The following ODAD3 variants were observed in gnomAD, a reference collection of about 807,000 sequenced individuals.
The protein encoded by ODAD3 is outer dynein arm docking complex subunit 3.
Under a neutral mutation model 70.9 loss-of-function variants are expected in ODAD3, and 57 were observed. The ratio of observed to expected loss-of-function variants is 0.80; its 90% CI spans 0.65 to 1.00. The LOEUF is 1.00. Ranked by LOEUF, ODAD3 falls within the 50% of genes least tolerant of loss-of-function variation. The pLI is 0.00. For synonymous variants in ODAD3, 327 were observed against 315.9 expected (o/e 1.04, Z -0.37); for missense variants, 797 against 763.9 (o/e 1.04, Z -0.51).
chr19:11,427,972 C>A (rs1427801840), intron 3 of ODAD3, among the ~76,000 whole-genome samples: 1 of 151,660 alleles, frequency 6.6e-6, no homozygotes, highest in Non-Finnish European at 1.5e-5. Flanking sequence ...TGGTGGCAGG[C>A]GCCTGTAGTC....
rs899464294 is a variant in ODAD3, at chr19:11,426,226, C to T, written c.881G>A (p.Arg294His). The change falls in exon 7 of 13, where the codon CGC becomes CAC. Residue 294 changes from arginine (R) to histidine (H), a missense_variant. Arg to His is a conservative substitution (Grantham distance 29). Coordinates refer to ENST00000356392, the MANE Select transcript of ODAD3 (RefSeq NM_145045.5). Reference sequence around the variant, plus strand: ...ACTTATGTAGCGTTCCCGCTTCTTGCGCTCTCGAACCAAGGTCTCCTCTAG... The same window carrying T: ...ACTTATGTAGCGTTCCCGCTTCTTGTGCTCTCGAACCAAGGTCTCCTCTAG... ...QYLEETLVRE[R>H]KKRERYISEC... The T allele has an allele frequency of 1.5e-5, 24 of 1,613,738 alleles. No individual in the cohort carries two copies. Among genetic ancestry groups the T allele is most frequent in the South Asian group, 3.3e-5 (3 of 91,086 alleles).
chr19:11,431,475 C>G (rs1323169863), intron 1 of ODAD3, among the ~76,000 whole-genome samples: 1 of 151,742 alleles, frequency 6.6e-6, no homozygotes, highest in Non-Finnish European at 1.5e-5. Flanking sequence ...AAAACCGCAT[C>G]TCTACTAAAA....
chr19:11,432,206 C>G (rs1969518307), intron 1 of ODAD3, among the ~76,000 whole-genome samples: 1 of 152,194 alleles, frequency 6.6e-6, no homozygotes, highest in South Asian at 2.1e-4. Flanking sequence ...AAACAGTTGT[C>G]CCTCTGTATA....
chr19:11,435,020 G>T lies in ODAD3; in HGVS notation c.-4C>A, dbSNP rs1380336885. 6.2e-7 allele frequency: 1 copy of T among 1,608,898 alleles called. No homozygotes were observed. ...CCCTGCACAGAGGAGATGTCATGAT[G>T]GGGTTGGGGCTGAAGGCCCCTAGGG... On this transcript the variant is annotated 5_prime_UTR_variant, in exon 1 of 13. Coordinates refer to ENST00000356392, the MANE Select transcript of ODAD3 (RefSeq NM_145045.5).
Position 11,427,000 on chromosome 19 carries a change from T to C in ODAD3, c.485A>G (p.Lys162Arg), listed in dbSNP as rs1482316736. Residue 162 changes from lysine (K) to arginine (R), a missense_variant, in exon 4 of 13, where the codon AAG (lysine) becomes AGG (arginine). Physicochemically the swap from Lys to Arg is conservative, Grantham distance 26. Transcript: ENST00000356392. Reference protein sequence around the residue: ...HLDHRLREKVKQQNALRHQVV... With the variant: ...HLDHRLREKVRQQNALRHQVV... ...CTGGTGCCGCAGGGCGTTCTGCTGC[T>C]TCACCTTCTCCCTCAGCCGGTGGTC... The C allele has an allele frequency of 6.2e-7, 1 of 1,603,382 alleles. No individual in the cohort carries two copies. The highest frequency in any genetic ancestry group is 8.5e-7 in the Non-Finnish European group (1 of 1,178,978).
intron 1 of ODAD3, among the ~76,000 whole-genome samples, chr19:11,433,079 C>T (rs1020748991): frequency 7.9e-5 from 12 of 152,070 alleles, no homozygotes; most frequent in Non-Finnish European, 2.9e-5. Context: ...CAGGTGTGAG[C>T]CACCTCGCCC....
chr19:11,435,551 C>A, upstream of ODAD3: 1 of 619,482 alleles, frequency 1.6e-6, no homozygotes. Flanking sequence ...CCACTCCTGC[C>A]TCTCCCAACA....
At chr19:11,431,058 G>A (rs750070939) in intron 1 of ODAD3, 38 bp from the exon 2 acceptor site, 3 of 1,613,498 alleles carry the variant, frequency 1.9e-6, no homozygotes, top group African/African-American at 2.7e-5. Flanking sequence ...CACAGTTACT[G>A]GGTGGGTGCA....
In ODAD3 at chr19:11,434,587, G is replaced by T. The variant is rs147620862; in HGVS notation, c.244+186C>A. ...AAATTACAAGAAAGTATGAAGTACA[G>T]TTCAGTCGGTTCTGAACCCATGAGA... On this transcript the variant is annotated intron_variant, in intron 1 of 12. Transcript: ENST00000356392. 1.1e-3 allele frequency: 685 copies of T among 612,764 alleles called. 6 individuals carry two copies. In the East Asian group the frequency reaches 0.018, roughly 16 times the overall value. The allele number at this position is 612,764 out of a possible 1,614,324, so 38.0% of individuals were successfully genotyped here.
Position 11,434,899 on chromosome 19 carries a change from G to C in ODAD3, c.118C>G (p.Arg40Gly). ...CACGCCTGGGCTGTGCCCTTGCCTC[G>C]GAGGTGGCTGGGTTTGCCCGAAGCC... is the stretch of plus-strand genomic sequence containing the variant. ...REASGKPSHLRGKGTAQAWTP... is the reference protein window; with the variant it reads ...REASGKPSHLGGKGTAQAWTP... The change falls in exon 1 of 13, where the codon CGA (arginine) becomes GGA (glycine). Residue 40 changes from arginine (R) to glycine (G), a missense_variant. By Grantham distance (125) the Arg-to-Gly change is moderately radical. Transcript: ENST00000356392. 1 of 1,614,132 alleles carries C rather than the reference G, an allele frequency of 6.2e-7. No individual in the cohort carries two copies. Among genetic ancestry groups the C allele is most frequent in the Non-Finnish European group, 8.5e-7 (1 of 1,180,032 alleles).
At chr19:11,420,985 GAT>G (rs781440444) in intron 12 of ODAD3, 38 bp from the exon 13 acceptor site, 1 of 1,599,246 alleles carries the variant, frequency 6.3e-7, no homozygotes, top group Admixed American at 1.7e-5. Context: ...AGCGATGTGG[GAT>G]CCAGGTCCCC....
Position 11,420,692 on chromosome 19 carries a change from T to C in ODAD3, c.*143A>G, listed in dbSNP as rs1969109000. On this transcript the variant is annotated 3_prime_UTR_variant, in exon 13 of 13. Coordinates refer to ENST00000356392, the MANE Select transcript of ODAD3 (RefSeq NM_145045.5). The stretch of plus-strand genomic sequence containing the variant: ...CTGTGGGAACGTCTGGCCCGGCCCC[T>C]TCCTCCCCTCCGGGCGCCGCTGGCC... 3.0e-6 allele frequency: 2 copies of C among 658,594 alleles called. No individual in the cohort carries two copies. Among genetic ancestry groups the C allele is most frequent in the East Asian group, 5.4e-5 (2 of 37,274 alleles). 40.8% of individuals were successfully genotyped at this position (658,594 alleles called of 1,614,324 possible).
At chr19:11,435,500 C>T, upstream of ODAD3, 1 of 409,644 alleles carries the variant, frequency 2.4e-6, no homozygotes, top group Non-Finnish European at 4.6e-6. Context: ...TAAGGTTTCA[C>T]AGTCCTGCCC....
chr19:11,434,420 CCCA>C, intron 1 of ODAD3: 1 of 167,988 alleles, frequency 6.0e-6, no homozygotes, highest in Non-Finnish European at 1.3e-5. Flanking sequence ...TGCCTGTAGT[CCCA>C]GCTACTCAAG....
At chr19:11,425,066 T>C (rs1036648958) in intron 7 of ODAD3, among the ~76,000 whole-genome samples, 4 of 125,156 alleles carry the variant, frequency 3.2e-5, no homozygotes, top group Non-Finnish European at 6.1e-5. Context: ...TATATGTGTA[T>C]ATATGTATAT....
chr19:11,430,761 C>T lies in ODAD3; in HGVS notation c.382G>A (p.Val128Ile), dbSNP rs746887558. Residue 128 changes from valine (V) to isoleucine (I), a missense_variant, in exon 3 of 13, where the codon GTC becomes ATC. Coordinates refer to ENST00000356392, the MANE Select transcript of ODAD3 (RefSeq NM_145045.5). ...TTCCATTCGCGAATCACTGCCTGGA[C>T]CACTTTCTCATCTCCCTGCAAGGAG... ...LDLLKGDEKV[V>I]QAVIREWKWE... is the part of the protein sequence containing the mutation. 2 of 1,614,076 alleles carry T rather than the reference C, an allele frequency of 1.2e-6. No individual in the cohort carries two copies. Among genetic ancestry groups the T allele is most frequent in the Non-Finnish European group, 1.7e-6 (2 of 1,180,014 alleles).
At position 11,426,878 on chromosome 19, in the gene ODAD3, C is replaced by T; in HGVS notation, c.607G>A (p.Ala203Thr). 2 of 1,609,314 alleles carry T rather than the reference C, an allele frequency of 1.2e-6. No homozygotes were observed. Among genetic ancestry groups the T allele is most frequent in the Non-Finnish European group, 1.7e-6 (2 of 1,177,096 alleles). ...AEAQNRHTEVAKTMRNLENRL... is the reference protein window; with the variant it reads ...AEAQNRHTEVTKTMRNLENRL... ...CAGGCCTCACCCGCCCCTACCTTGG[C>T]CACCTCCGTGTGTCTGTTTTGCGCC... Residue 203 changes from alanine (A) to threonine (T), a missense_variant, in exon 4 of 13, where the codon GCC becomes ACC. Coordinates refer to ENST00000356392, the MANE Select transcript of ODAD3 (RefSeq NM_145045.5).
At chr19:11,428,024 C>T (rs534236966) in intron 3 of ODAD3, among the ~76,000 whole-genome samples, 62 of 151,386 alleles carry the variant, frequency 4.1e-4, no homozygotes, top group African/African-American at 1.2e-3. Context: ...GGCGAGAACC[C>T]GGGAGGCGGA....
rs532798079 is a variant in ODAD3, at chr19:11,435,093, G to A, written c.-77C>T. 4 of 1,517,354 alleles carry A rather than the reference G, an allele frequency of 2.6e-6. No individual in the cohort carries two copies. In the South Asian group the frequency reaches 4.9e-5, roughly 19 times the overall value. The allele number at this position is 1,517,354 out of a possible 1,614,324, so 94.0% of individuals were successfully genotyped here. A position where few individuals can be genotyped will look rare whatever the true frequency, so the allele number is the denominator to read the frequency against. On this transcript the variant is annotated 5_prime_UTR_variant, in exon 1 of 13. Transcript: ENST00000356392. ...AGTCGCCCCTGTCAGGGATCCGTCA[G>A]CTCGGATTCCTAGGGCTCTGAAAAA...
Sources: allele counts gnomAD v4.1 joint callset (sites outside exome capture counted in the v4.1 genomes callset), GRCh38; gene constraint gnomAD v4.1.1; transcripts MANE v1.5; gene names NCBI Gene and HGNC (gene_info 2026-07-23, HGNC 2026-07-21).